Variants in AAMDC observed in about 807,000 individuals in gnomAD.
AAMDC encodes the protein adipogenesis associated Mth938 domain containing, also known as mth938 domain-containing protein.
In AAMDC, 16 loss-of-function variants were observed where a neutral mutation model predicts 15.5. The observed-to-expected ratio is 1.03, with a 90% confidence interval of 0.70 to 1.57. The LOEUF (loss-of-function observed/expected upper bound fraction) is 1.57, where lower values mean the gene tolerates loss of function less well. Ranked by LOEUF, AAMDC falls within the 40% of genes most tolerant of loss-of-function variation. The pLI, the probability that AAMDC is intolerant of heterozygous loss-of-function variation, is 0.00. For missense variants in AAMDC, 141 were observed against 144.9 expected, an observed-to-expected ratio of 0.97 and a Z score of 0.14; for synonymous variants, 51 against 51.6, an observed-to-expected ratio of 0.99 and a Z score of 0.05.
At chr11:77,903,643 A>G, downstream of AAMDC, 1 of 1,593,450 alleles carries the variant, frequency 6.3e-7, no homozygotes, top group Non-Finnish European at 8.6e-7. Context: ...ATCAGGAGGG[A>G]ACAGAATACC....
downstream of AAMDC, among the ~76,000 whole-genome samples, chr11:77,904,333 T>G (rs1304283209): frequency 1.3e-5 from 2 of 152,246 alleles, no homozygotes; most frequent in Non-Finnish European, 2.9e-5. Flanking sequence ...TTTTAAATAT[T>G]CTCGTAGCCA....
chr11:77,899,625 G>A (rs1430300329), intron 5 of AAMDC, among the ~76,000 whole-genome samples: 1 of 151,628 alleles, frequency 6.6e-6, no homozygotes, highest in Non-Finnish European at 1.5e-5. Flanking sequence ...AGCTGAGATC[G>A]GACCACTGCA....
chr11:77,891,447 C>T (rs760091310), intron 5 of AAMDC: 1 of 1,613,794 alleles, frequency 6.2e-7, no homozygotes, highest in Non-Finnish European at 8.5e-7. Flanking sequence ...ATGATGGTGG[C>T]TGAGGCTTTG....
chr11:77,851,364 G>A (rs547175860), intron 2 of AAMDC: 3 of 152,352 alleles, frequency 2.0e-5, no homozygotes, highest in African/African-American at 7.2e-5. Context: ...CCAGGCTAGA[G>A]TTTCTTCTGC....
chr11:77,876,432 T>C (rs1342817922), downstream of AAMDC, among the ~76,000 whole-genome samples: 1 of 151,132 alleles, frequency 6.6e-6, no homozygotes, highest in African/African-American at 2.4e-5. Flanking sequence ...AGTGAAAAAG[T>C]ACAGAATCAG....
At position 77,861,465 on chromosome 11, in the gene AAMDC, G is replaced by C. The variant is rs377538890; in HGVS notation, c.133-8257G>C. 9.2e-5 allele frequency among the ~76,000 whole-genome samples: 14 copies of C among 152,264 alleles called. No homozygotes were observed. In the South Asian group the frequency reaches 2.7e-3, roughly 29 times the overall value. ...ACAGTTAACCTCCTGGCCCTCAATG[G>C]TCAAGTATACCCGGGGCTCTGTGAG... is the stretch of plus-strand genomic sequence containing the variant. On this transcript the variant is annotated intron_variant, in intron 2 of 3. Transcript: ENST00000393427.
intron 1 of AAMDC, among the ~76,000 whole-genome samples, chr11:77,822,058 C>G (rs1441731048): frequency 1.3e-5 from 2 of 152,086 alleles, no homozygotes; most frequent in Non-Finnish European, 2.9e-5. Flanking sequence ...ATAATTTAGA[C>G]TGAATTCCGC....
At chr11:77,870,573 G>A (rs1238596871) in intron 3 of AAMDC, among the ~76,000 whole-genome samples, 7 of 151,890 alleles carry the variant, frequency 4.6e-5, no homozygotes, top group African/African-American at 9.7e-5. Flanking sequence ...TCCTGACCTC[G>A]TGATCCACCT....
chr11:77,856,613 A>G (rs1198771606), intron 2 of AAMDC, among the ~76,000 whole-genome samples: 1 of 152,140 alleles, frequency 6.6e-6, no homozygotes, highest in Non-Finnish European at 1.5e-5. Flanking sequence ...ATAGCTGGGG[A>G]GCCTCAGGAA....
chr11:77,841,373 T>A, intron 1 of AAMDC: 1 of 583,410 alleles, frequency 1.7e-6, no homozygotes, highest in Middle Eastern at 2.6e-4. Context: ...TTAGAGTTTT[T>A]TCCTTGATTT....
intron 1 of AAMDC, among the ~76,000 whole-genome samples, chr11:77,827,027 C>T (rs1473366630): frequency 1.3e-5 from 2 of 152,144 alleles, no homozygotes; most frequent in Non-Finnish European, 2.9e-5. Context: ...ATCACTTGAA[C>T]CCAGGAGGCA....
chr11:77,891,244 T>C, intron 5 of AAMDC: 1 of 1,431,494 alleles, frequency 7.0e-7, no homozygotes, highest in South Asian at 1.2e-5. Context: ...AAGTAGAGAC[T>C]ACAGGGGTGC....
chr11:77,873,529 T>C (rs1292256856), downstream of AAMDC, among the ~76,000 whole-genome samples: 1 of 152,254 alleles, frequency 6.6e-6, no homozygotes, highest in Non-Finnish European at 1.5e-5. Context: ...ACGGACAGCC[T>C]ATTACTAATT....
At chr11:77,842,029 G>A (rs540054637) in intron 1 of AAMDC, among the ~76,000 whole-genome samples, 2 of 152,194 alleles carry the variant, frequency 1.3e-5, no homozygotes, top group Non-Finnish European at 2.9e-5. Flanking sequence ...ACAACAAAAA[G>A]AAATTGTCCT....
intron 5 of AAMDC, among the ~76,000 whole-genome samples, chr11:77,895,396 T>C (rs1952466401): frequency 6.6e-6 from 1 of 151,990 alleles, no homozygotes; most frequent in Non-Finnish European, 1.5e-5. Flanking sequence ...AGACTTTGTA[T>C]TCTTCATCAT....
chr11:77,843,072 T>TA (rs1950000682), intron 2 of AAMDC, among the ~76,000 whole-genome samples: 1 of 152,224 alleles, frequency 6.6e-6, no homozygotes, highest in Non-Finnish European at 1.5e-5. Context: ...ATATAGTGTT[T>TA]AACCTTTTGA....
intron 2 of AAMDC, among the ~76,000 whole-genome samples, chr11:77,849,658 T>C (rs529786605): frequency 6.6e-6 from 1 of 152,310 alleles, no homozygotes; most frequent in South Asian, 2.1e-4. Context: ...TTTTTTTAAT[T>C]ATGCAGTTCC....
chr11:77,860,981 C>T (rs775199262), intron 2 of AAMDC, among the ~76,000 whole-genome samples: 22 of 152,068 alleles, frequency 1.4e-4, no homozygotes, highest in African/African-American at 5.3e-4. Flanking sequence ...TTTACTAGGC[C>T]GTGGGCTTTT....
downstream of AAMDC, among the ~76,000 whole-genome samples, chr11:77,873,388 T>C (rs1951509989): frequency 6.6e-6 from 1 of 152,226 alleles, no homozygotes. Context: ...ATGGGGATAC[T>C]GTGTAAAGCC....
Sources: gnomAD v4.1 joint callset for allele counts (sites outside exome capture counted in the v4.1 genomes callset) on GRCh38, gnomAD v4.1.1 for gene constraint, MANE v1.5 for transcripts, NCBI Gene and HGNC (gene_info 2026-07-23, HGNC 2026-07-21) for gene names.